The following DNAH10 variants were observed in gnomAD, a reference collection of about 807,000 sequenced individuals.
DNAH10 encodes the protein dynein axonemal heavy chain 10.
Under a neutral mutation model 506.6 loss-of-function variants are expected in DNAH10, and 348 were observed. The observed-to-expected ratio is 0.69, with a 90% CI of 0.63 to 0.75. The LOEUF is 0.75. Ranked by LOEUF, DNAH10 falls within the 30% of genes least tolerant of loss-of-function variation. The pLI is 0.00. For missense variants in DNAH10, 5,179 were observed against 5,787.1 expected (o/e 0.89, Z 3.41); for synonymous variants, 2,059 against 2,198.6 (o/e 0.94, Z 1.78).
chr12:123,798,140 G>A (rs1958348386), intron 13 of DNAH10, among the ~76,000 whole-genome samples: 1 of 152,124 alleles, frequency 6.6e-6, no homozygotes. Flanking sequence ...TAGTTCATGG[G>A]TAGAGACCAA....
At chr12:123,828,508 T>C (rs1346371783) in intron 25 of DNAH10, among the ~76,000 whole-genome samples, 2 of 152,158 alleles carry the variant, frequency 1.3e-5, no homozygotes, top group Admixed American at 6.5e-5. Context: ...GAGTTGTGTG[T>C]CTATTCCCAT....
At chr12:123,789,321 C>T (rs930256262) in intron 10 of DNAH10, among the ~76,000 whole-genome samples, 1 of 151,876 alleles carries the variant, frequency 6.6e-6, no homozygotes, top group Admixed American at 6.6e-5. Context: ...TCATTGTTAC[C>T]AGAACAGTGG....
chr12:123,872,559 C>T (rs550746808), intron 45 of DNAH10, among the ~76,000 whole-genome samples: 2 of 152,074 alleles, frequency 1.3e-5, no homozygotes, highest in African/African-American at 4.8e-5. Flanking sequence ...TTTGGGTGCC[C>T]TACGTGGAGA....
intron 16 of DNAH10, among the ~76,000 whole-genome samples, chr12:123,802,607 TTTTTTG>T (rs1211158188): frequency 6.6e-6 from 1 of 152,022 alleles, no homozygotes; most frequent in Non-Finnish European, 1.5e-5. Flanking sequence ...CGTGTGGCCT[TTTTTTG>T]TTTTTGTTTT....
At chr12:123,934,449 G>A in intron 77 of DNAH10, 172 bp from the exon 78 acceptor site, 1 of 824,492 alleles carries the variant, frequency 1.2e-6, no homozygotes, top group South Asian at 1.5e-5. Flanking sequence ...CTCCTCCACA[G>A]AGGGAAGGTG....
chr12:123,826,656 G>A, intron 24 of DNAH10, 31 bp from the exon 25 acceptor site: 1 of 1,595,746 alleles, frequency 6.3e-7, no homozygotes, highest in Non-Finnish European at 8.6e-7. Context: ...AGGGGTCTTT[G>A]TTGATGGAGC....
At chr12:123,934,369 G>A (rs1242117660) in intron 77 of DNAH10, 7 of 657,858 alleles carry the variant, frequency 1.1e-5, no homozygotes, top group South Asian at 1.7e-5. Context: ...ATTCCTGGGG[G>A]AGAGGCCACC....
chr12:123,859,134 A>G lies in DNAH10; in HGVS notation c.6631-16A>G, dbSNP rs756302824. The G allele has an allele frequency of 1.1e-5, 18 of 1,599,820 alleles. No homozygotes were observed. The East Asian group carries it at 3.4e-4, about 30-fold the overall frequency. On this transcript the variant is annotated splice_polypyrimidine_tract_variant and intron_variant, in intron 37 of 78. Coordinates refer to ENST00000673944, the MANE Select transcript of DNAH10 (RefSeq NM_001372106.1). ...AAGATAATGTTTTAGCCCAGCTGCC[A>G]TTGTTTGTCCCGCAGGTGGATAAAG... is the stretch of plus-strand genomic sequence containing the variant.
In DNAH10 at chr12:123,848,070, A is replaced by G. The variant is rs1951027215; in HGVS notation, c.5924A>G (p.Asn1975Ser). 2 of 1,613,794 alleles carry G rather than the reference A, an allele frequency of 1.2e-6. No individual in the cohort carries two copies. Among genetic ancestry groups the G allele is most frequent in the Non-Finnish European group, 1.7e-6 (2 of 1,179,754 alleles). The change falls in exon 33 of 79, where the codon AAC becomes AGC. Residue 1975 changes from asparagine to serine, a missense_variant. This residue lies in a region of DNAH10 where 4,844 missense variants were observed against 5,430.5 expected (regional missense o/e 0.89). Coordinates refer to ENST00000673944, the MANE Select transcript of DNAH10 (RefSeq NM_001372106.1). ...TTGGGCTTGCTCTGTGTTGTCACCA[A>G]CTGTGGCGAAGGCATGGATTACAGG... The part of the protein sequence containing the change: ...KALGLLCVVT[N>S]CGEGMDYRAV...
At chr12:123,791,362 T>C (rs1209430529) in intron 11 of DNAH10, among the ~76,000 whole-genome samples, 1 of 152,098 alleles carries the variant, frequency 6.6e-6, no homozygotes, top group Non-Finnish European at 1.5e-5. Flanking sequence ...GCGCTCACCT[T>C]TTCAGTCTCA....
chr12:123,866,167 G>A, intron 41 of DNAH10, 94 bp downstream of exon 41: 2 of 1,019,914 alleles, frequency 2.0e-6, no homozygotes, highest in Non-Finnish European at 2.5e-6. Context: ...TGAAGGCGAT[G>A]ACTTTGTCCT....
At position 123,774,563 on chromosome 12, in the gene DNAH10, TTGTTTCTATAGA is replaced by T. The variant is rs1242744125; in HGVS notation, c.621+301_621+312del. Among the ~76,000 whole-genome samples the T allele has an allele frequency of 1.1e-4, 16 of 152,334 alleles. No individual in the cohort carries two copies. The East Asian group carries it at 3.1e-3, about 29-fold the overall frequency. On this transcript the variant is annotated intron_variant, in intron 5 of 78. Coordinates refer to ENST00000673944, the MANE Select transcript of DNAH10 (RefSeq NM_001372106.1). ...ATTAACAGCAAACCAGTCATTAGCA[TTGTTTCTATAGA>T]TATTAAATTAACTAAAAGTATCCCT...
Position 123,867,940 on chromosome 12 carries a change from A to G in DNAH10, c.7340A>G (p.Glu2447Gly). The change falls in exon 43 of 79, where the codon GAA becomes GGA. Residue 2447 changes from glutamate (E) to glycine (G), a missense_variant. By Grantham distance (98) the Glu-to-Gly change is moderately conservative (BLOSUM62 -2). This residue lies in a region of DNAH10 where 4,844 missense variants were observed against 5,430.5 expected (regional missense o/e 0.89). Coordinates refer to ENST00000673944, the MANE Select transcript of DNAH10 (RefSeq NM_001372106.1). ...GCCAAGATGTTGGATGCGTTGCTAG[A>G]AGGAGAAATAGAAGACCTTGACCTG... Reference protein sequence around the residue: ...QLAKMLDALLEGEIEDLDLLE... With the variant: ...QLAKMLDALLGGEIEDLDLLE... 1 of 1,613,868 alleles carries G rather than the reference A, an allele frequency of 6.2e-7. No individual in the cohort carries two copies. The highest frequency in any genetic ancestry group is 8.5e-7 in the Non-Finnish European group (1 of 1,179,850).
At chr12:123,767,928 G>A (rs1212295482) in intron 2 of DNAH10, among the ~76,000 whole-genome samples, 3 of 152,140 alleles carry the variant, frequency 2.0e-5, no homozygotes, top group Admixed American at 6.6e-5. Flanking sequence ...TCTGGAGGCC[G>A]GAACTCCAAA....
Position 123,796,817 on chromosome 12 carries a change from T to C in DNAH10, c.2148T>C (p.Ser716=). The C allele has an allele frequency of 1.2e-6, 2 of 1,610,506 alleles. No homozygotes were observed. Among genetic ancestry groups the C allele is most frequent in the South Asian group, 1.1e-5 (1 of 89,796 alleles). The change falls in exon 13 of 79, where the codon AGT becomes AGC. Residue 716 remains serine, a synonymous_variant. Transcript: ENST00000673944. ...AAGAGGTACAAGAGATACTGGACAG[T>C]GATCGAGGACAGGAGGTATGTTGCT... The part of the protein sequence containing the change: ...RFQEVQEILD[S]DRGQEVKQKY...
intron 51 of DNAH10, among the ~76,000 whole-genome samples, chr12:123,883,474 A>T (rs561358293): frequency 6.6e-6 from 1 of 152,106 alleles, no homozygotes; most frequent in African/African-American, 2.4e-5. Context: ...CATGTCCCTC[A>T]TTCACCCTTT....
chr12:123,875,672 A>G (rs980480988), intron 47 of DNAH10, among the ~76,000 whole-genome samples, 181 bp downstream of exon 47: 5 of 152,236 alleles, frequency 3.3e-5, no homozygotes, highest in Non-Finnish European at 5.9e-5. Flanking sequence ...ATACGATGCC[A>G]TTATAAAATG....
At chr12:123,812,934 C>G (rs560447201) in intron 19 of DNAH10, among the ~76,000 whole-genome samples, 2 of 152,230 alleles carry the variant, frequency 1.3e-5, no homozygotes, top group East Asian at 3.9e-4. Context: ...CCATGTCCGC[C>G]CCTTTCCATT....
intron 51 of DNAH10, chr12:123,882,016 G>A (rs551726183): frequency 1.6e-5 from 7 of 430,614 alleles, no homozygotes; most frequent in Middle Eastern, 5.9e-4. Flanking sequence ...GAGCATCTAA[G>A]TACAGGTGTT....
Sources: gnomAD v4.1 joint callset for allele counts (sites outside exome capture counted in the v4.1 genomes callset) on GRCh38, gnomAD v4.1.1 for gene constraint, gnomAD v4.1.1 regional missense constraint, MANE v1.5 for transcripts, NCBI Gene and HGNC (gene_info 2026-07-23, HGNC 2026-07-21) for gene names.